The following PPP3CA variants were observed in gnomAD, a reference collection of about 807,000 sequenced individuals.
PPP3CA encodes CAM-PRP catalytic subunit.
In PPP3CA, 14 loss-of-function variants were observed where a neutral mutation model predicts 66.5. The ratio of observed to expected loss-of-function variants is 0.21; its 90% CI spans 0.14 to 0.33. PPP3CA has a LOEUF of 0.33. PPP3CA is among the 10% of genes least tolerant of loss of function. PPP3CA has a pLI of 1.00. For synonymous variants in PPP3CA, 232 were observed against 226.2 expected (o/e 1.03, Z -0.23); for missense variants, 317 against 639.5 (o/e 0.50, Z 5.44).
chr4:101,152,116 G>A (rs111792710), intron 2 of PPP3CA, among the ~76,000 whole-genome samples: 6,024 of 152,196 alleles, frequency 0.04, 200 homozygotes, highest in Middle Eastern at 0.11. Context: ...AGAAAGCAGA[G>A]GTAGTATTCT....
intron 1 of PPP3CA, among the ~76,000 whole-genome samples, chr4:101,200,111 A>G (rs1289251435): frequency 1.3e-5 from 2 of 152,150 alleles, no homozygotes; most frequent in Admixed American, 6.5e-5. Flanking sequence ...ACTCTGGGAT[A>G]GTTCCAGGTA....
chr4:101,234,052 C>T (rs1726048361), intron 1 of PPP3CA, among the ~76,000 whole-genome samples: 2 of 151,782 alleles, frequency 1.3e-5, no homozygotes, highest in Admixed American at 6.6e-5. Flanking sequence ...CAGCACAATC[C>T]ATGTTCCTGC....
chr4:101,234,591 T>C (rs1004833660), intron 1 of PPP3CA, among the ~76,000 whole-genome samples: 4 of 151,770 alleles, frequency 2.6e-5, no homozygotes, highest in Non-Finnish European at 5.9e-5. Flanking sequence ...TTTTTTCTTG[T>C]AAATCGGGTC....
chr4:101,213,720 C>T (rs964331722), intron 1 of PPP3CA, among the ~76,000 whole-genome samples: 4 of 152,000 alleles, frequency 2.6e-5, no homozygotes, highest in Admixed American at 6.6e-5. Context: ...GTGAAGAAAA[C>T]GAGTTCACAT....
At chr4:101,196,290 C>CTT (rs558018125) in intron 1 of PPP3CA, among the ~76,000 whole-genome samples, 174 bp from the exon 2 acceptor site, 113 of 152,236 alleles carry the variant, frequency 7.4e-4, no homozygotes, top group African/African-American at 2.6e-3. Flanking sequence ...TGCATCCTTC[C>CTT]TTTGATTCTA....
intron 10 of PPP3CA, among the ~76,000 whole-genome samples, chr4:101,052,073 T>C (rs1268934995): frequency 6.6e-6 from 1 of 152,054 alleles, no homozygotes; most frequent in Non-Finnish European, 1.5e-5. Context: ...TTCCATGCAA[T>C]GTGAAAATTA....
chr4:101,235,971 G>T (rs190293191), intron 1 of PPP3CA, among the ~76,000 whole-genome samples: 2 of 151,168 alleles, frequency 1.3e-5, no homozygotes, highest in Non-Finnish European at 3.0e-5. Context: ...ATTCACCATG[G>T]CTGGACTAGA....
intron 11 of PPP3CA, among the ~76,000 whole-genome samples, chr4:101,033,700 CAG>C (rs1448099879): frequency 6.6e-6 from 1 of 152,174 alleles, no homozygotes; most frequent in Non-Finnish European, 1.5e-5. Flanking sequence ...AATATATTCA[CAG>C]AGTTGTACAA....
At chr4:101,326,847 G>A (rs949683828) in intron 1 of PPP3CA, among the ~76,000 whole-genome samples, 2 of 152,120 alleles carry the variant, frequency 1.3e-5, no homozygotes, top group African/African-American at 4.8e-5. Flanking sequence ...CAATTCAAGA[G>A]AAAAGAAACC....
intron 1 of PPP3CA, chr4:101,330,414 T>C: frequency 1.9e-6 from 1 of 532,582 alleles, no homozygotes; most frequent in South Asian, 1.4e-5. Context: ...GGATTTCCAA[T>C]ACTACATACA....
At chr4:101,342,508 G>T (rs1729849249) in intron 1 of PPP3CA, among the ~76,000 whole-genome samples, 1 of 152,110 alleles carries the variant, frequency 6.6e-6, no homozygotes, top group Non-Finnish European at 1.5e-5. Flanking sequence ...GTATTGAAAA[G>T]AATTTGTTCT....
At chr4:101,053,746 T>A (rs1728107102) in intron 10 of PPP3CA, among the ~76,000 whole-genome samples, 1 of 152,090 alleles carries the variant, frequency 6.6e-6, no homozygotes, top group South Asian at 2.1e-4. Context: ...GCCCCTAGGT[T>A]TGAACCGTCA....
chr4:101,229,393 C>T (rs73833274), intron 1 of PPP3CA, among the ~76,000 whole-genome samples: 9,435 of 151,526 alleles, frequency 0.062, 907 homozygotes, highest in African/African-American at 0.21. Context: ...GCTGCTGATT[C>T]CCCTGTACAA....
At position 101,284,670 on chromosome 4, in the gene PPP3CA, C is replaced by A. The variant is rs796148570; in HGVS notation, c.58+62069G>T. On this transcript the variant is annotated intron_variant, in intron 1 of 13. Coordinates refer to ENST00000394854, the MANE Select transcript of PPP3CA (RefSeq NM_000944.5). The stretch of plus-strand genomic sequence containing the variant: ...CCCCACCCCCATGTCTTTTTTTTTT[C>A]CCCTTATTTATTTTGTAAGGTGCAT... 4.0e-5 allele frequency among the ~76,000 whole-genome samples: 6 copies of A among 150,548 alleles called. 1 individual carries two copies. The South Asian group carries it at 1.3e-3, about 32-fold the overall frequency.
At chr4:101,065,514 C>G (rs76065135) in intron 8 of PPP3CA, among the ~76,000 whole-genome samples, 2,104 of 152,140 alleles carry the variant, frequency 0.014, 54 homozygotes, top group African/African-American at 0.048. Flanking sequence ...ATCCGCACAA[C>G]AAATCTGAGA....
At chr4:101,076,858 C>A (rs1185852525) in intron 8 of PPP3CA, among the ~76,000 whole-genome samples, 1 of 152,214 alleles carries the variant, frequency 6.6e-6, no homozygotes, top group African/African-American at 2.4e-5. Context: ...TACTGCACAG[C>A]ATTTTGTTTC....
intron 2 of PPP3CA, among the ~76,000 whole-genome samples, chr4:101,147,666 A>G (rs765380136): frequency 6.6e-6 from 1 of 151,992 alleles, no homozygotes; most frequent in Admixed American, 6.6e-5. Flanking sequence ...TACAATTGCT[A>G]ATTTTTTCCT....
chr4:101,126,411 T>A (rs1722247822), intron 2 of PPP3CA, among the ~76,000 whole-genome samples: 1 of 152,196 alleles, frequency 6.6e-6, no homozygotes, highest in South Asian at 2.1e-4. Context: ...AAGTACAATT[T>A]CCATATTTCT....
intron 10 of PPP3CA, among the ~76,000 whole-genome samples, chr4:101,058,958 A>G (rs889085654): frequency 1.3e-5 from 2 of 152,142 alleles, no homozygotes; most frequent in African/African-American, 4.8e-5. Context: ...TGTTCTCTAT[A>G]TCATAAATAC....
Sources: gnomAD v4.1 joint callset for allele counts (sites outside exome capture counted in the v4.1 genomes callset) on GRCh38, gnomAD v4.1.1 for gene constraint, MANE v1.5 for transcripts, NCBI Gene and HGNC (gene_info 2026-07-23, HGNC 2026-07-21) for gene names.